Variants in INIP observed in about 807,000 individuals in gnomAD.
INIP encodes the protein SOSS complex subunit C.
Under a neutral mutation model 14.0 loss-of-function variants are expected in INIP, and 9 were observed. That is an observed-to-expected ratio of 0.64 (90% CI 0.39 to 1.12). INIP has a LOEUF of 1.12. Ranked by LOEUF, INIP falls within the 50% of genes most tolerant of loss-of-function variation. The probability of loss-of-function intolerance (pLI) is 0.01; values close to 1 mark genes in which losing one functional copy is unlikely to be tolerated. For synonymous variants in INIP, 37 were observed against 41.5 expected (o/e 0.89, Z 0.41); for missense variants, 78 against 122.7 (o/e 0.64, Z 1.72).
At chr9:112,699,302 C>A (rs576384915) in intron 2 of INIP, among the ~76,000 whole-genome samples, 3 of 151,712 alleles carry the variant, frequency 2.0e-5, no homozygotes, top group Non-Finnish European at 4.4e-5. Context: ...CAGAGCAAGA[C>A]CCTGTCTCTA....
intron 2 of INIP, among the ~76,000 whole-genome samples, 191 bp downstream of exon 2, chr9:112,716,270 G>A (rs768060693): frequency 1.3e-5 from 2 of 151,910 alleles, no homozygotes; most frequent in African/African-American, 4.8e-5. Context: ...CGGGGTTCCT[G>A]ACCTCAAGCA....
At chr9:112,709,313 C>T (rs529520477) in intron 2 of INIP, among the ~76,000 whole-genome samples, 7 of 152,070 alleles carry the variant, frequency 4.6e-5, no homozygotes, top group East Asian at 3.9e-4. Flanking sequence ...TTGTCTCAAG[C>T]GCCCAGTGGT....
chr9:112,711,540 C>A (rs1838647669), intron 2 of INIP, among the ~76,000 whole-genome samples: 1 of 152,164 alleles, frequency 6.6e-6, no homozygotes, highest in Non-Finnish European at 1.5e-5. Flanking sequence ...ATTTGCAGTG[C>A]ATTGTGTGGT....
rs1042015677 is a variant in INIP at position 112,717,040 on chromosome 9, G to A, written c.-56-499C>T. On this transcript the variant is annotated intron_variant, in intron 1 of 4. Coordinates refer to ENST00000374242, the MANE Select transcript of INIP (RefSeq NM_021218.3). ...TGAAACAAATGTAAACTCTGCTAGT[G>A]CCTCAAGCATTTAATTAAATACGGC... 2.6e-5 allele frequency among the ~76,000 whole-genome samples: 4 copies of A among 151,946 alleles called. No individual in the cohort carries two copies. In the South Asian group the frequency reaches 6.2e-4, roughly 24 times the overall value.
At position 112,686,579 on chromosome 9, in the gene INIP, C is replaced by T. The variant is rs578231505; in HGVS notation, c.*959G>A. The T allele has an allele frequency of 1.3e-5, 2 of 152,396 alleles. No individual in the cohort carries two copies. The highest frequency in any genetic ancestry group is 2.4e-5 in the African/African-American group (1 of 41,576). 9.4% of individuals were successfully genotyped at this position (152,396 alleles called of 1,614,324 possible). ...TGACACCGTCTCAGCTCACTGCAAC[C>T]CCTGCCTCCCAGGTTCAAGCGATTC... On this transcript the variant is annotated 3_prime_UTR_variant, in exon 5 of 5. Coordinates refer to ENST00000374242, the MANE Select transcript of INIP (RefSeq NM_021218.3).
At chr9:112,697,463 A>G (rs1303632635) in intron 2 of INIP, among the ~76,000 whole-genome samples, 1 of 152,212 alleles carries the variant, frequency 6.6e-6, no homozygotes, top group Admixed American at 6.5e-5. Flanking sequence ...ATGTGCCTGT[A>G]GGCTAGCTAC....
At chr9:112,688,520 C>G (rs909933228) in intron 4 of INIP, among the ~76,000 whole-genome samples, 8 of 151,104 alleles carry the variant, frequency 5.3e-5, no homozygotes, top group Middle Eastern at 3.4e-3. Flanking sequence ...GTTTTTAAGT[C>G]ATCTAAAGTG....
intron 2 of INIP, among the ~76,000 whole-genome samples, chr9:112,715,679 A>G (rs547664608): frequency 5.3e-5 from 8 of 152,040 alleles, no homozygotes; most frequent in Non-Finnish European, 1.0e-4. Flanking sequence ...AGGTTGAGGC[A>G]GGAGGATTGC....
intron 2 of INIP, among the ~76,000 whole-genome samples, chr9:112,700,747 C>G (rs1176861373): frequency 6.6e-6 from 1 of 151,712 alleles, no homozygotes; most frequent in Non-Finnish European, 1.5e-5. Flanking sequence ...GCCTCACTTT[C>G]AAAAACTTCA....
chr9:112,715,145 C>T (rs867813974), intron 2 of INIP, among the ~76,000 whole-genome samples: 35 of 142,236 alleles, frequency 2.5e-4, no homozygotes, highest in African/African-American at 9.9e-4. Context: ...CACACACACA[C>T]ACACACACAC....
At chr9:112,693,301 T>G (rs1164405540) in intron 3 of INIP, among the ~76,000 whole-genome samples, 3 of 152,068 alleles carry the variant, frequency 2.0e-5, no homozygotes, top group South Asian at 2.1e-4. Context: ...CTCTCTCCCC[T>G]CCCCACTTTC....
intron 2 of INIP, among the ~76,000 whole-genome samples, chr9:112,715,500 A>G (rs1178035920): frequency 6.6e-6 from 1 of 152,232 alleles, no homozygotes; most frequent in Non-Finnish European, 1.5e-5. Context: ...TGGGCCAGGC[A>G]CAGTGGCTCA....
At chr9:112,692,291 T>TTTTG (rs1033246429) in intron 3 of INIP, among the ~76,000 whole-genome samples, 3 of 152,080 alleles carry the variant, frequency 2.0e-5, no homozygotes, top group African/African-American at 4.8e-5. Context: ...AATGGATCTT[T>TTTTG]TTTGTTTGTT....
At chr9:112,698,378 A>AT (rs1838174979) in intron 2 of INIP, among the ~76,000 whole-genome samples, 1 of 151,694 alleles carries the variant, frequency 6.6e-6, no homozygotes, top group Non-Finnish European at 1.5e-5. Flanking sequence ...GCTCCAACAC[A>AT]TGAAGGTTCC....
rs1838274903 is a variant in INIP, at chr9:112,700,898, C to A, written c.26-6665G>T. Among the ~76,000 whole-genome samples the A allele has an allele frequency of 2.0e-5, 3 of 151,984 alleles. No homozygotes were observed. The South Asian group carries it at 6.2e-4, about 31-fold the overall frequency. The stretch of plus-strand genomic sequence containing the variant: ...CAAGAGTGGTGAGCTATGCAGTGAG[C>A]TATTTTTGCACCACTGCATTCCAAC... On this transcript the variant is annotated intron_variant, in intron 2 of 4. Coordinates refer to ENST00000374242, the MANE Select transcript of INIP (RefSeq NM_021218.3).
In INIP at chr9:112,711,448, G is replaced by A. The variant is rs868796151; in HGVS notation, c.25+5013C>T. 9.2e-5 allele frequency among the ~76,000 whole-genome samples: 14 copies of A among 151,974 alleles called. No individual in the cohort carries two copies. The South Asian group carries it at 2.5e-3, about 27-fold the overall frequency. ...CAAAGGCAATACTAAAAATGATTGC[G>A]TTTTTACTACAACTACGAAAAAAGT... On this transcript the variant is annotated intron_variant, in intron 2 of 4. Transcript: ENST00000374242.
chr9:112,699,193 C>T (rs1052314890), intron 2 of INIP, among the ~76,000 whole-genome samples: 8 of 151,682 alleles, frequency 5.3e-5, no homozygotes, highest in Non-Finnish European at 8.8e-5. Flanking sequence ...TGTGGTGCTA[C>T]ATGCCTGTAG....
At chr9:112,712,824 G>T (rs571366017) in intron 2 of INIP, among the ~76,000 whole-genome samples, 25 of 152,222 alleles carry the variant, frequency 1.6e-4, no homozygotes, top group South Asian at 1.5e-3. Context: ...TTTGAATAAT[G>T]GATGGAAACA....
chr9:112,689,841 T>C (rs1198202116), intron 3 of INIP, among the ~76,000 whole-genome samples: 6 of 152,306 alleles, frequency 3.9e-5, no homozygotes, highest in East Asian at 1.9e-4. Context: ...CCATTTTTGG[T>C]TGTGGAACAT....
Sources: gnomAD v4.1 joint callset for allele counts (sites outside exome capture counted in the v4.1 genomes callset) on GRCh38, gnomAD v4.1.1 for gene constraint, MANE v1.5 for transcripts, NCBI Gene and HGNC (gene_info 2026-07-23, HGNC 2026-07-21) for gene names.